The following PRKCE variants were observed in gnomAD, a reference collection of about 807,000 sequenced individuals.
PRKCE encodes protein kinase C epsilon type.
Under a neutral mutation model 85.4 loss-of-function variants are expected in PRKCE, and 16 were observed. The observed-to-expected ratio is 0.19, with a 90% CI of 0.13 to 0.28. The LOEUF is 0.28. Ranked by LOEUF, PRKCE falls within the 10% of genes least tolerant of loss-of-function variation. The pLI, the probability that PRKCE is intolerant of heterozygous loss-of-function variation, is 1.00. For missense variants in PRKCE, 573 were observed against 975.2 expected (o/e 0.59, Z 5.49); for synonymous variants, 388 against 371.5 (o/e 1.04, Z -0.51).
chr2:45,846,678 A>T lies in PRKCE; in HGVS notation c.412+3615A>T, dbSNP rs144735381. Among the ~76,000 whole-genome samples the T allele has an allele frequency of 4.5e-3, 688 of 152,272 alleles. 3 individuals are homozygous for T. The highest frequency in any genetic ancestry group is 0.016 in the African/African-American group (661 of 41,544). On this transcript the variant is annotated intron_variant, in intron 2 of 14. Coordinates refer to ENST00000306156, the MANE Select transcript of PRKCE (RefSeq NM_005400.3). ...GAAAGGGGTCAGTCTTCTCTGTGGG[A>T]CTCAACAGATAGAGGAGAAAGAGCA...
At chr2:46,121,688 G>A (rs1673331519) in intron 11 of PRKCE, among the ~76,000 whole-genome samples, 3 of 152,204 alleles carry the variant, frequency 2.0e-5, no homozygotes, top group South Asian at 4.1e-4. Flanking sequence ...TAAACGCTAG[G>A]CTTTCAGCAC....
intron 10 of PRKCE, among the ~76,000 whole-genome samples, chr2:46,022,938 C>T (rs1706792018): frequency 6.6e-6 from 1 of 151,630 alleles, no homozygotes; most frequent in African/African-American, 2.4e-5. Context: ...AAAAAATTAG[C>T]CGGGCGCGGT....
intron 1 of PRKCE, among the ~76,000 whole-genome samples, chr2:45,808,366 G>T (rs1343028526): frequency 2.6e-5 from 4 of 152,322 alleles, no homozygotes; most frequent in East Asian, 3.9e-4. Context: ...AGGGAATATT[G>T]TTCCTGTCAT....
At chr2:45,753,844 C>T (rs1302298077) in intron 1 of PRKCE, among the ~76,000 whole-genome samples, 3 of 152,178 alleles carry the variant, frequency 2.0e-5, no homozygotes, top group African/African-American at 4.8e-5. Flanking sequence ...ACATTCCCCT[C>T]CCAAATATTT....
At chr2:46,179,661 C>T (rs1679778176) in intron 14 of PRKCE, among the ~76,000 whole-genome samples, 1 of 152,162 alleles carries the variant, frequency 6.6e-6, no homozygotes, top group Admixed American at 6.5e-5. Flanking sequence ...TTTCCCAAAC[C>T]CTGGTCGAAC....
chr2:45,742,379 G>A (rs769239587), intron 1 of PRKCE, among the ~76,000 whole-genome samples: 25 of 151,764 alleles, frequency 1.6e-4, no homozygotes, highest in Non-Finnish European at 3.2e-4. Flanking sequence ...AGGCTGCGAT[G>A]AGCTATGATC....
At chr2:45,916,672 C>T (rs1314324910) in intron 2 of PRKCE, among the ~76,000 whole-genome samples, 1 of 152,140 alleles carries the variant, frequency 6.6e-6, no homozygotes, top group Non-Finnish European at 1.5e-5. Context: ...TCTTAGATTA[C>T]AGTACATTTA....
Position 46,021,726 on chromosome 2 carries a change from A to G in PRKCE, c.1437+11209A>G, listed in dbSNP as rs552408613. Among the ~76,000 whole-genome samples, 7 of 152,350 alleles carry G rather than the reference A, an allele frequency of 4.6e-5. No homozygotes were observed. In the South Asian group the frequency reaches 1.4e-3, roughly 32 times the overall value. On this transcript the variant is annotated intron_variant, in intron 10 of 14. Coordinates refer to ENST00000306156, the MANE Select transcript of PRKCE (RefSeq NM_005400.3). ...CTTGAAATCTAAAACTAGAGGTCTA[A>G]GTTATCTAACCCGGTCACCAAACAA...
chr2:45,993,036 G>A (rs1170348874), intron 6 of PRKCE, among the ~76,000 whole-genome samples: 1 of 152,188 alleles, frequency 6.6e-6, no homozygotes, highest in African/African-American at 2.4e-5. Flanking sequence ...ACCAGTGAAA[G>A]TGAGCACTGA....
chr2:45,849,216 C>G (rs1295832071), intron 2 of PRKCE, among the ~76,000 whole-genome samples: 1 of 152,196 alleles, frequency 6.6e-6, no homozygotes, highest in Non-Finnish European at 1.5e-5. Context: ...AAGTCTTTCT[C>G]TCACCATGAC....
At chr2:45,866,001 G>A (rs1269733400) in intron 2 of PRKCE, among the ~76,000 whole-genome samples, 1 of 151,844 alleles carries the variant, frequency 6.6e-6, no homozygotes, top group Non-Finnish European at 1.5e-5. Context: ...TTCATATTTT[G>A]TAGAGACACA....
At chr2:45,795,849 C>T (rs1156710889) in intron 1 of PRKCE, among the ~76,000 whole-genome samples, 1 of 152,102 alleles carries the variant, frequency 6.6e-6, no homozygotes, top group Non-Finnish European at 1.5e-5. Flanking sequence ...GTGAGACCCC[C>T]CGCAGAGTTG....
chr2:45,748,133 T>C (rs950548491), intron 1 of PRKCE, among the ~76,000 whole-genome samples: 51 of 152,338 alleles, frequency 3.3e-4, no homozygotes, highest in African/African-American at 1.2e-3. Context: ...TTGACAACCA[T>C]TGGTTATTAT....
chr2:45,830,618 G>T (rs772367831), intron 1 of PRKCE, among the ~76,000 whole-genome samples: 5 of 152,246 alleles, frequency 3.3e-5, no homozygotes, highest in Non-Finnish European at 7.4e-5. Context: ...CACAAATTCA[G>T]TTTCATTTAG....
intron 13 of PRKCE, 110 bp downstream of exon 13, chr2:46,151,339 C>A: frequency 8.8e-7 from 1 of 1,131,868 alleles, no homozygotes; most frequent in Non-Finnish European, 1.2e-6. Context: ...TTCTCCCTTT[C>A]TCTGTCCAGC....
chr2:45,820,276 G>C (rs995402581), intron 1 of PRKCE, among the ~76,000 whole-genome samples: 1 of 152,114 alleles, frequency 6.6e-6, no homozygotes, highest in African/African-American at 2.4e-5. Context: ...AGAAACATGT[G>C]GGGAGAGGGT....
At chr2:45,988,234 C>T (rs1017565044) in intron 6 of PRKCE, among the ~76,000 whole-genome samples, 2 of 152,196 alleles carry the variant, frequency 1.3e-5, no homozygotes, top group Non-Finnish European at 2.9e-5. Context: ...TTGCCATTCC[C>T]GTTCCCATTC....
intron 1 of PRKCE, chr2:45,686,337 G>A (rs551618987): frequency 6.6e-6 from 1 of 152,282 alleles, no homozygotes; most frequent in East Asian, 1.9e-4. Flanking sequence ...GGCTTAGGGG[G>A]TCATGCTGCC....
rs985717748 is a variant in PRKCE, at chr2:46,139,313, G to A, written c.1593-5780G>A. On this transcript the variant is annotated intron_variant, in intron 11 of 14. Transcript: ENST00000306156. The surrounding 1 kb of genome is among the most constrained non-coding windows in gnomAD (Gnocchi z 5.2). ...AAACTGTTACAAAAATAGAGGGTTC[G>A]GTATAATGGCAGGGCACAGAATGAT... Among the ~76,000 whole-genome samples the A allele has an allele frequency of 6.6e-6, 1 of 152,026 alleles. No homozygotes were observed. The highest frequency in any genetic ancestry group is 6.6e-5 in the Admixed American group (1 of 15,264).
Sources: gnomAD v4.1 joint callset for allele counts (sites outside exome capture counted in the v4.1 genomes callset) on GRCh38, gnomAD v4.1.1 for gene constraint, Gnocchi (gnomAD v3.1) non-coding constraint, MANE v1.5 for transcripts, NCBI Gene and HGNC (gene_info 2026-07-23, HGNC 2026-07-21) for gene names.